Variants in TCF12 observed in about 807,000 individuals in gnomAD.
TCF12 encodes the protein transcription factor 12.
In TCF12, 45 loss-of-function variants were observed where a neutral mutation model predicts 86.0. That is an observed-to-expected ratio of 0.52 (90% CI 0.41 to 0.67). The LOEUF (loss-of-function observed/expected upper bound fraction) is 0.67, where lower values mean the gene tolerates loss of function less well. Among genes scored for constraint, TCF12 ranks in the 30% least tolerant of loss-of-function variants. TCF12 has a pLI of 0.00. For synonymous variants in TCF12, 330 were observed against 299.6 expected (o/e 1.10, Z -1.05); for missense variants, 881 against 859.9 (o/e 1.02, Z -0.31).
intron 4 of TCF12, among the ~76,000 whole-genome samples, chr15:57,079,638 A>G (rs56683633): frequency 0.047 from 7,180 of 152,196 alleles, 340 homozygotes; most frequent in African/African-American, 0.13. Flanking sequence ...ATGTTTCTCA[A>G]ACTGGTGAAT....
intron 3 of TCF12, among the ~76,000 whole-genome samples, chr15:56,937,171 T>C (rs1489551371): frequency 3.7e-4 from 56 of 152,214 alleles, no homozygotes; most frequent in Non-Finnish European, 4.4e-5. Flanking sequence ...TAGTTTTCCT[T>C]GTAGACGTCC....
chr15:57,202,437 CT>C (rs1295280076), intron 8 of TCF12, among the ~76,000 whole-genome samples: 186 of 139,320 alleles, frequency 1.3e-3, no homozygotes, highest in Middle Eastern at 3.7e-3. Context: ...CTGCCCTCAG[CT>C]TTTTTTTTTT....
chr15:57,028,972 T>C (rs1259176927), intron 3 of TCF12, among the ~76,000 whole-genome samples: 3 of 152,194 alleles, frequency 2.0e-5, no homozygotes, highest in African/African-American at 7.2e-5. Flanking sequence ...TAATTTTTTA[T>C]ATTTTTAGTA....
intron 3 of TCF12, among the ~76,000 whole-genome samples, chr15:56,973,546 A>G (rs1339260837): frequency 6.6e-6 from 1 of 152,140 alleles, no homozygotes. Context: ...TCGAATAACA[A>G]CTAATGTATA....
chr15:57,112,488 C>T (rs534689289), intron 5 of TCF12, among the ~76,000 whole-genome samples: 2 of 152,226 alleles, frequency 1.3e-5, no homozygotes, highest in African/African-American at 4.8e-5. Flanking sequence ...AACAAATGTT[C>T]AAGGAGAGGA....
intron 6 of TCF12, among the ~76,000 whole-genome samples, chr15:57,168,390 C>T (rs1199587008): frequency 2.0e-5 from 3 of 152,204 alleles, no homozygotes; most frequent in African/African-American, 7.2e-5. Flanking sequence ...ATTAAGGTAT[C>T]TTTCTGACCT....
chr15:56,942,985 A>T (rs1315661777), intron 3 of TCF12, among the ~76,000 whole-genome samples: 1 of 152,204 alleles, frequency 6.6e-6, no homozygotes, highest in African/African-American at 2.4e-5. Context: ...AATTGCAAGA[A>T]CATAAGCCTA....
At chr15:57,054,773 CTTTTTTTTTTTTT>C (rs35859330) in intron 3 of TCF12, among the ~76,000 whole-genome samples, 26 of 24,192 alleles carry the variant, frequency 1.1e-3, no homozygotes, top group Middle Eastern at 0.031. Context: ...AATGCCTCTG[CTTTTTTTTTTTTT>C]TTTTTTTTTT....
At chr15:56,986,754 C>T (rs529801914) in intron 3 of TCF12, among the ~76,000 whole-genome samples, 1 of 152,122 alleles carries the variant, frequency 6.6e-6, no homozygotes, top group South Asian at 2.1e-4. Context: ...AAAAAGAAAA[C>T]CCTAGCCCAA....
At chr15:57,220,258 T>A (rs563238136) in intron 8 of TCF12, among the ~76,000 whole-genome samples, 1 of 152,206 alleles carries the variant, frequency 6.6e-6, no homozygotes, top group African/African-American at 2.4e-5. Flanking sequence ...TACACACATA[T>A]GTATTGAGAA....
intron 3 of TCF12, among the ~76,000 whole-genome samples, chr15:57,057,744 T>G (rs1431991711): frequency 1.3e-5 from 2 of 152,186 alleles, no homozygotes; most frequent in East Asian, 3.9e-4. Flanking sequence ...TGATTTGGCT[T>G]GTTTTTAAAA....
intron 3 of TCF12, among the ~76,000 whole-genome samples, chr15:56,926,531 T>C (rs2060023470): frequency 6.6e-6 from 1 of 151,990 alleles, no homozygotes; most frequent in African/African-American, 2.4e-5. Context: ...GGACAATGAA[T>C]TAGGGAAGAG....
chr15:57,219,014 C>A (rs761522877), intron 8 of TCF12: 391 of 1,038,148 alleles, frequency 3.8e-4, no homozygotes, highest in Non-Finnish European at 4.4e-4. Context: ...ATTACTTGAT[C>A]ATGTGTTTAT....
chr15:57,075,360 C>T (rs2069795127), intron 4 of TCF12, among the ~76,000 whole-genome samples: 1 of 152,164 alleles, frequency 6.6e-6, no homozygotes, highest in African/African-American at 2.4e-5. Context: ...GTATGCACAT[C>T]TTTATGTTGT....
chr15:57,120,898 T>C (rs1047907516), intron 5 of TCF12, among the ~76,000 whole-genome samples: 1 of 152,132 alleles, frequency 6.6e-6, no homozygotes, highest in Non-Finnish European at 1.5e-5. Context: ...GGAGGATCAC[T>C]TGGACCCAGG....
At chr15:56,995,469 T>C (rs11639054) in intron 3 of TCF12, among the ~76,000 whole-genome samples, 1 of 151,992 alleles carries the variant, frequency 6.6e-6, no homozygotes, top group African/African-American at 2.4e-5. Flanking sequence ...CATTTATTTG[T>C]GTCATCTCCG....
intron 4 of TCF12, among the ~76,000 whole-genome samples, chr15:57,071,236 CT>C (rs750867901): frequency 1.3e-5 from 2 of 149,684 alleles, no homozygotes; most frequent in Admixed American, 6.6e-5. Flanking sequence ...ATGAGACCCC[CT>C]CTCTACAAAA....
At chr15:57,187,977 A>G (rs2056772432) in intron 6 of TCF12, among the ~76,000 whole-genome samples, 1 of 152,092 alleles carries the variant, frequency 6.6e-6, no homozygotes, top group Non-Finnish European at 1.5e-5. Context: ...GCCAAGAAAA[A>G]GAAATAAAAG....
chr15:56,991,083 A>C (rs919766809), intron 3 of TCF12, among the ~76,000 whole-genome samples: 1 of 152,150 alleles, frequency 6.6e-6, no homozygotes, highest in Non-Finnish European at 1.5e-5. Flanking sequence ...GACGCGAGCC[A>C]CTGTGCCTGG....
Sources: allele counts gnomAD v4.1 joint callset (sites outside exome capture counted in the v4.1 genomes callset), GRCh38; gene constraint gnomAD v4.1.1; transcripts MANE v1.5; gene names NCBI Gene and HGNC (gene_info 2026-07-23, HGNC 2026-07-21).